The following LRSAM1 variants were observed in gnomAD, a reference collection of about 807,000 sequenced individuals.
The protein encoded by LRSAM1 is leucine rich repeat and sterile alpha motif containing 1.
LRSAM1 carries 96 observed loss-of-function variants against 118.1 expected under a neutral mutation model. That is an observed-to-expected ratio of 0.81 (90% CI 0.69 to 0.96). LRSAM1 has a LOEUF of 0.96. Ranked by LOEUF, LRSAM1 falls within the 40% of genes least tolerant of loss-of-function variation. LRSAM1 has a pLI of 0.00. For missense variants in LRSAM1, 804 were observed against 915.5 expected, an observed-to-expected ratio of 0.88 and a Z score of 1.57; for synonymous variants, 322 against 364.2, an observed-to-expected ratio of 0.88 and a Z score of 1.32.
intron 14 of LRSAM1, 145 bp from the exon 15 acceptor site, chr9:127,481,038 T>G (rs1438270778): frequency 4.9e-5 from 39 of 797,882 alleles, no homozygotes; most frequent in Non-Finnish European, 6.0e-5. Context: ...GTGGTTTCAG[T>G]AACTGGCTAA....
chr9:127,457,203 G>T, intron 5 of LRSAM1, 113 bp from the exon 6 acceptor site: 2 of 1,131,702 alleles, frequency 1.8e-6, no homozygotes, highest in Non-Finnish European at 2.6e-6. Flanking sequence ...GGTGGTGTCT[G>T]GGAGAGCAAG....
intron 5 of LRSAM1, among the ~76,000 whole-genome samples, chr9:127,456,635 T>C (rs905709746): frequency 6.6e-6 from 1 of 151,708 alleles, no homozygotes; most frequent in African/African-American, 2.4e-5. Context: ...GAGGCCGAGG[T>C]GGGCAGATCA....
chr9:127,500,731 C>T (rs957585816), intron 24 of LRSAM1, among the ~76,000 whole-genome samples: 3 of 152,212 alleles, frequency 2.0e-5, no homozygotes, highest in East Asian at 1.9e-4. Context: ...GGCTATGAAG[C>T]GTCCCGGGGA....
intron 24 of LRSAM1, among the ~76,000 whole-genome samples, chr9:127,498,087 C>T (rs1280756063): frequency 2.6e-5 from 4 of 152,228 alleles, no homozygotes; most frequent in African/African-American, 7.2e-5. Context: ...CTGGGCTGGG[C>T]GAGGCTCTGG....
intron 22 of LRSAM1, 85 bp from the exon 23 acceptor site, chr9:127,495,879 T>C: frequency 2.6e-6 from 4 of 1,553,134 alleles, no homozygotes; most frequent in South Asian, 2.3e-5. Context: ...TATTATGTTA[T>C]AAATATTCAA....
At chr9:127,469,620 G>GA (rs11462415) in intron 10 of LRSAM1, among the ~76,000 whole-genome samples, 95,600 of 147,344 alleles carry the variant, frequency 0.65, 30,888 homozygotes, top group Middle Eastern at 0.67. Context: ...CTTTTCAATG[G>GA]AAAAAAAAAA....
At chr9:127,468,324 G>A (rs916246661) in intron 10 of LRSAM1, among the ~76,000 whole-genome samples, 14 of 151,978 alleles carry the variant, frequency 9.2e-5, no homozygotes, top group Non-Finnish European at 1.6e-4. Context: ...GATTGGAGGA[G>A]GAAAGAAAGA....
In LRSAM1 at chr9:127,483,727, G is replaced by A. The variant is rs966417493; in HGVS notation, c.1159+707G>A. ...TGCTCAGGCTGGAGTACAGTGGTGC[G>A]ATCTTGGCTCACTGCAACCTCCGCC... On this transcript the variant is annotated intron_variant, in intron 16 of 25. Transcript: ENST00000300417. Among the ~76,000 whole-genome samples, 3 of 152,078 alleles carry A rather than the reference G, an allele frequency of 2.0e-5. No homozygotes were observed. In the South Asian group the frequency reaches 6.2e-4, roughly 31 times the overall value.
intron 20 of LRSAM1, among the ~76,000 whole-genome samples, chr9:127,491,851 G>A (rs756188820): frequency 1.3e-5 from 2 of 152,242 alleles, no homozygotes; most frequent in Non-Finnish European, 2.9e-5. Flanking sequence ...GCCCAGCACA[G>A]CCCTGCTGTG....
At chr9:127,458,384 G>A (rs35636470) in intron 6 of LRSAM1, among the ~76,000 whole-genome samples, 16,457 of 143,816 alleles carry the variant, frequency 0.11, 1,289 homozygotes, top group Middle Eastern at 0.14. Flanking sequence ...GCGAGACTTC[G>A]TCTCAAAAAC....
intron 12 of LRSAM1, 42 bp from the exon 13 acceptor site, chr9:127,479,341 C>G: frequency 6.2e-7 from 1 of 1,613,798 alleles, no homozygotes; most frequent in Admixed American, 1.7e-5. Flanking sequence ...CCTAACTCCC[C>G]CAGGGCCTGT....
chr9:127,474,009 T>C (rs1410101501), intron 11 of LRSAM1, 78 bp downstream of exon 11: 38 of 1,602,018 alleles, frequency 2.4e-5, no homozygotes, highest in Non-Finnish European at 3.1e-5. Flanking sequence ...GAGCTGGGAA[T>C]GGAAGGGGGC....
intron 15 of LRSAM1, among the ~76,000 whole-genome samples, chr9:127,482,455 G>A (rs1453974839): frequency 6.6e-6 from 1 of 152,086 alleles, no homozygotes; most frequent in Non-Finnish European, 1.5e-5. Flanking sequence ...GTGACTATTT[G>A]TGAAGGAAAT....
intron 3 of LRSAM1, 143 bp from the exon 4 acceptor site, chr9:127,454,855 G>A: frequency 2.2e-6 from 2 of 909,764 alleles, no homozygotes; most frequent in Non-Finnish European, 1.8e-6. Context: ...AGGGGTCATT[G>A]GTTCACCTGC....
At chr9:127,493,456 C>A (rs1353617376) in intron 21 of LRSAM1, among the ~76,000 whole-genome samples, 2 of 152,200 alleles carry the variant, frequency 1.3e-5, no homozygotes, top group Non-Finnish European at 2.9e-5. Context: ...GCTGCATACC[C>A]TTTTCGAGCA....
At chr9:127,457,556 T>C in intron 6 of LRSAM1, 163 bp downstream of exon 6, 1 of 724,200 alleles carries the variant, frequency 1.4e-6, no homozygotes, top group Non-Finnish European at 2.4e-6. Context: ...CTGTGGGCTG[T>C]GTGTGGGTTA....
chr9:127,501,247 AGTAGACT>A, intron 25 of LRSAM1, 104 bp downstream of exon 25: 1 of 1,419,412 alleles, frequency 7.0e-7, no homozygotes, highest in Non-Finnish European at 9.5e-7. Context: ...CAGTTCTCTA[AGTAGACT>A]GTGCTCATCT....
intron 21 of LRSAM1, among the ~76,000 whole-genome samples, chr9:127,493,381 A>T (rs1163718492): frequency 6.6e-6 from 1 of 152,150 alleles, no homozygotes; most frequent in Non-Finnish European, 1.5e-5. Context: ...GTTTTGATGC[A>T]TATTTTCCAA....
At chr9:127,470,366 A>G (rs1165091693) in intron 10 of LRSAM1, among the ~76,000 whole-genome samples, 2 of 152,050 alleles carry the variant, frequency 1.3e-5, no homozygotes, top group African/African-American at 4.8e-5. Flanking sequence ...TTATAAAACC[A>G]TCAGATCTTG....
Sources: gnomAD v4.1 joint callset for allele counts (sites outside exome capture counted in the v4.1 genomes callset) on GRCh38, gnomAD v4.1.1 for gene constraint, MANE v1.5 for transcripts, NCBI Gene and HGNC (gene_info 2026-07-23, HGNC 2026-07-21) for gene names.